Variants in LOC128125817 observed in about 807,000 individuals in gnomAD.
chr1:41,621,300 G>T, the LOC128125817 span, among the ~76,000 whole-genome samples: 4 of 152,354 alleles, frequency 2.6e-5, no homozygotes, highest in South Asian at 8.3e-4. Flanking sequence ...AGGTAATTCT[G>T]TTATGGGAGG....
chr1:41,623,962 G>A, the LOC128125817 span, among the ~76,000 whole-genome samples: 3 of 152,144 alleles, frequency 2.0e-5, no homozygotes, highest in East Asian at 1.9e-4. Flanking sequence ...CTTGCTCCAC[G>A]CTCTTCTGCA....
chr1:41,614,350 G>A, the LOC128125817 span, among the ~76,000 whole-genome samples: 1 of 152,220 alleles, frequency 6.6e-6, no homozygotes, highest in Admixed American at 6.5e-5. Context: ...TGATCTCAAA[G>A]CTCAACAGAG....
the LOC128125817 span, among the ~76,000 whole-genome samples, chr1:41,611,117 T>G: frequency 2.0e-5 from 3 of 152,190 alleles, no homozygotes. Flanking sequence ...CTAGTGTATG[T>G]TACACTCCTG....
At chr1:41,621,895 C>T in the LOC128125817 span, among the ~76,000 whole-genome samples, 1 of 152,198 alleles carries the variant, frequency 6.6e-6, no homozygotes, top group African/African-American at 2.4e-5. Flanking sequence ...CTCTTTCCCA[C>T]CCTGCAACAT....
chr1:41,611,222 G>A, the LOC128125817 span, among the ~76,000 whole-genome samples: 2 of 152,192 alleles, frequency 1.3e-5, no homozygotes, highest in African/African-American at 4.8e-5. Context: ...GGATGATAAC[G>A]TAACCCAGGC....
the LOC128125817 span, among the ~76,000 whole-genome samples, chr1:41,595,995 C>A: frequency 6.6e-6 from 1 of 152,176 alleles, no homozygotes; most frequent in Non-Finnish European, 1.5e-5. Flanking sequence ...TCTAGAGAAC[C>A]CTGACTAATA....
chr1:41,626,197 CG>C, the LOC128125817 span, among the ~76,000 whole-genome samples: 19 of 151,678 alleles, frequency 1.3e-4, no homozygotes, highest in East Asian at 3.3e-3. Flanking sequence ...TCCCCAGCAC[CG>C]GGGCGTTTGC....
the LOC128125817 span, among the ~76,000 whole-genome samples, chr1:41,625,630 G>A: frequency 6.6e-6 from 1 of 152,148 alleles, no homozygotes; most frequent in Non-Finnish European, 1.5e-5. Flanking sequence ...AGCTACTCAG[G>A]AAGCTGAGAT....
the LOC128125817 span, among the ~76,000 whole-genome samples, chr1:41,595,066 G>T: frequency 2.0e-5 from 3 of 152,190 alleles, no homozygotes; most frequent in Admixed American, 1.3e-4. Flanking sequence ...CACTGAAATA[G>T]AATTTGTGGG....
the LOC128125817 span, among the ~76,000 whole-genome samples, chr1:41,623,943 CAT>C: frequency 7.6e-4 from 115 of 152,288 alleles, no homozygotes; most frequent in Middle Eastern, 6.8e-3. Flanking sequence ...TCTCTGCACA[CAT>C]GTTTACCTTG....
the LOC128125817 span, among the ~76,000 whole-genome samples, chr1:41,601,117 C>G: frequency 6.6e-6 from 1 of 152,128 alleles, no homozygotes; most frequent in Non-Finnish European, 1.5e-5. Context: ...GTCTACATGT[C>G]TGTCTTTATG....
chr1:41,605,295 C>A, the LOC128125817 span, among the ~76,000 whole-genome samples: 2 of 151,358 alleles, frequency 1.3e-5, no homozygotes, highest in African/African-American at 4.9e-5. Flanking sequence ...TCCGAAGGGG[C>A]ATGAAGCAGT....
At chr1:41,623,740 G>T in the LOC128125817 span, among the ~76,000 whole-genome samples, 4 of 152,118 alleles carry the variant, frequency 2.6e-5, no homozygotes, top group Non-Finnish European at 5.9e-5. Flanking sequence ...CCAACCCCAC[G>T]CCGGTCTCTC....
At chr1:41,597,062 C>T in the LOC128125817 span, among the ~76,000 whole-genome samples, 1 of 152,092 alleles carries the variant, frequency 6.6e-6, no homozygotes, top group Non-Finnish European at 1.5e-5. Context: ...TCTCTGTGTT[C>T]CTACTTTTCC....
At chr1:41,627,163 C>T in the LOC128125817 span, among the ~76,000 whole-genome samples, 1 of 152,304 alleles carries the variant, frequency 6.6e-6, no homozygotes, top group Admixed American at 6.5e-5. Context: ...GGGTGGTGGC[C>T]CAACTGCCCA....
the LOC128125817 span, chr1:41,628,641 T>G: frequency 1.1e-6 from 1 of 882,868 alleles, no homozygotes; most frequent in Non-Finnish European, 1.5e-6. Flanking sequence ...ACGATAACAC[T>G]AATAATAACA....
the LOC128125817 span, among the ~76,000 whole-genome samples, chr1:41,614,742 G>A: frequency 6.6e-6 from 1 of 152,222 alleles, no homozygotes; most frequent in African/African-American, 2.4e-5. Flanking sequence ...GCCCCACATG[G>A]TAGCTCTCTT....
the LOC128125817 span, among the ~76,000 whole-genome samples, chr1:41,600,487 T>C: frequency 2.0e-5 from 3 of 152,218 alleles, no homozygotes; most frequent in Admixed American, 6.5e-5. Flanking sequence ...ATTTCACTTA[T>C]ATGAAGTACT....
the LOC128125817 span, among the ~76,000 whole-genome samples, chr1:41,626,165 G>C: frequency 6.6e-6 from 1 of 152,180 alleles, no homozygotes; most frequent in Non-Finnish European, 1.5e-5. Flanking sequence ...GCCTCTGATG[G>C]TGCTGATGGG....
Sources: gnomAD v4.1 joint callset for allele counts (sites outside exome capture counted in the v4.1 genomes callset) on GRCh38, gnomAD v4.1.1 for gene constraint, MANE v1.5 for transcripts.